The following FMN2 variants were observed in gnomAD, a reference collection of about 807,000 sequenced individuals.
FMN2 encodes the protein formin-2.
A neutral mutation model predicts 142.3 loss-of-function variants in FMN2; 51 were observed. That is an observed-to-expected ratio of 0.36 (90% confidence interval 0.29 to 0.45). The LOEUF is 0.45. Among genes scored for constraint, FMN2 ranks in the 20% least tolerant of loss-of-function variants. The pLI is 1.00. For missense variants in FMN2, 1,936 were observed against 2,122.8 expected (o/e 0.91, Z 1.73); for synonymous variants, 882 against 869.8 (o/e 1.01, Z -0.25).
At position 240,126,149 on chromosome 1, in the gene FMN2, T is replaced by C. The variant is rs1390326309; in HGVS notation, c.1782+2804T>C. ...AAAACTGGAGAGGGCGACGATATAA[T>C]GATACAGGGGGTTCTGAGGACTGGG... is the stretch of plus-strand genomic sequence containing the variant. On this transcript the variant is annotated intron_variant, in intron 2 of 17. Coordinates refer to ENST00000319653, the MANE Select transcript of FMN2 (RefSeq NM_020066.5). 2.6e-5 allele frequency among the ~76,000 whole-genome samples: 4 copies of C among 152,294 alleles called. No homozygotes were observed. The East Asian group carries it at 7.7e-4, about 29-fold the overall frequency.
intron 4 of FMN2, among the ~76,000 whole-genome samples, chr1:240,204,958 A>G (rs12065892): frequency 0.28 from 42,347 of 152,016 alleles, 6,015 homozygotes; most frequent in Middle Eastern, 0.43. Context: ...CTTTGTGGAG[A>G]TATTTCTTGG....
chr1:240,191,170 T>C (rs1665682625), intron 4 of FMN2, among the ~76,000 whole-genome samples: 1 of 152,246 alleles, frequency 6.6e-6, no homozygotes, highest in African/African-American at 2.4e-5. Flanking sequence ...AAGTTATTCT[T>C]CAGATGTGTG....
intron 15 of FMN2, among the ~76,000 whole-genome samples, chr1:240,406,747 A>C (rs1674215494): frequency 6.6e-6 from 1 of 152,160 alleles, no homozygotes; most frequent in Non-Finnish European, 1.5e-5. Flanking sequence ...TAGATAGGTA[A>C]TATAAGCTCA....
chr1:240,362,982 G>T (rs1672543330), intron 14 of FMN2, among the ~76,000 whole-genome samples: 1 of 152,170 alleles, frequency 6.6e-6, no homozygotes, highest in African/African-American at 2.4e-5. Flanking sequence ...AAATGAAAAT[G>T]CATAAATCTG....
intron 7 of FMN2, among the ~76,000 whole-genome samples, chr1:240,262,631 A>G (rs544122236): frequency 9.2e-5 from 14 of 152,314 alleles, no homozygotes; most frequent in African/African-American, 3.4e-4. Context: ...TTGCAATTCC[A>G]TAAGCTTCAG....
chr1:240,240,360 T>C (rs992089484), intron 6 of FMN2, among the ~76,000 whole-genome samples: 6 of 152,216 alleles, frequency 3.9e-5, no homozygotes, highest in African/African-American at 1.4e-4. Context: ...AAGAATAAAC[T>C]AAAGCCCTTT....
chr1:240,244,297 T>A (rs1033881005), intron 6 of FMN2, among the ~76,000 whole-genome samples: 1 of 152,176 alleles, frequency 6.6e-6, no homozygotes, highest in African/African-American at 2.4e-5. Context: ...TTGTAAAAAA[T>A]TGTGAGATTT....
At position 240,136,087 on chromosome 1, in the gene FMN2, A is replaced by T. The variant is rs189314017; in HGVS notation, c.1782+12742A>T. 9.3e-4 allele frequency among the ~76,000 whole-genome samples: 141 copies of T among 151,964 alleles called. 1 individual carries two copies. Among genetic ancestry groups the T allele is most frequent in the Non-Finnish European group, 1.7e-3 (115 of 68,000 alleles). On this transcript the variant is annotated intron_variant, in intron 2 of 17. Coordinates refer to ENST00000319653, the MANE Select transcript of FMN2 (RefSeq NM_020066.5). ...AATCAGTAACCAAGTTTTTATACAT[A>T]TGTGTTTAAGCATATGTATTTTTAA... is the stretch of plus-strand genomic sequence containing the variant.
intron 1 of FMN2, among the ~76,000 whole-genome samples, chr1:240,100,811 GA>G (rs1445856477): frequency 6.6e-6 from 1 of 152,168 alleles, no homozygotes; most frequent in Admixed American, 6.5e-5. Flanking sequence ...GCAATGGACT[GA>G]AAACAGTCCT....
At chr1:240,329,543 G>A (rs1456017420) in intron 10 of FMN2, 75 bp downstream of exon 10, 1 of 1,547,736 alleles carries the variant, frequency 6.5e-7, no homozygotes, top group East Asian at 2.3e-5. Flanking sequence ...TTTCAGAAAA[G>A]CATTCTTTTA....
chr1:240,355,753 C>A, intron 13 of FMN2, 63 bp from the exon 14 acceptor site: 1 of 1,157,334 alleles, frequency 8.6e-7, no homozygotes, highest in Non-Finnish European at 1.3e-6. Context: ...AAGATGTTTT[C>A]AAAATTGCCT....
intron 8 of FMN2, among the ~76,000 whole-genome samples, chr1:240,310,976 A>T (rs953019085): frequency 6.6e-6 from 1 of 152,200 alleles, no homozygotes; most frequent in Non-Finnish European, 1.5e-5. Context: ...AAACCTGGAC[A>T]TGAATACTAT....
chr1:240,410,910 C>T (rs953247), intron 15 of FMN2, among the ~76,000 whole-genome samples: 27,863 of 152,098 alleles, frequency 0.18, 3,136 homozygotes, highest in East Asian at 0.58. Flanking sequence ...CCTACCCTCT[C>T]TTATATTTTT....
chr1:240,218,007 G>T (rs1189991738), intron 6 of FMN2, among the ~76,000 whole-genome samples: 1 of 152,060 alleles, frequency 6.6e-6, no homozygotes, highest in South Asian at 2.1e-4. Context: ...ATTCTGGGCT[G>T]GGCGCAGTGG....
chr1:240,187,583 A>G (rs1665533072), intron 3 of FMN2, among the ~76,000 whole-genome samples: 1 of 152,176 alleles, frequency 6.6e-6, no homozygotes, highest in Admixed American at 6.5e-5. Flanking sequence ...TTTGCACACA[A>G]GCTTCACTTA....
intron 4 of FMN2, among the ~76,000 whole-genome samples, chr1:240,196,714 T>C (rs1330722143): frequency 6.6e-6 from 1 of 152,148 alleles, no homozygotes; most frequent in Non-Finnish European, 1.5e-5. Flanking sequence ...TATTTTGCTG[T>C]GTTGGCCAGG....
intron 13 of FMN2, among the ~76,000 whole-genome samples, chr1:240,355,337 A>G (rs1438677146): frequency 6.6e-6 from 1 of 152,190 alleles, no homozygotes; most frequent in Non-Finnish European, 1.5e-5. Context: ...ATTTTTCAGA[A>G]ATCTGGTCTT....
At chr1:240,145,243 C>A in intron 2 of FMN2, 1 of 1,482,860 alleles carries the variant, frequency 6.7e-7, no homozygotes. Flanking sequence ...CCTCAGACAG[C>A]TCCTGTTCTT....
rs1299941305 is a variant in FMN2 at position 240,170,757 on chromosome 1, C to T, written c.1783-7164C>T. ...AGGTGGGGCCTGGCTCTGTTTGGGC[C>T]GTCTTTGGCCTGGGAGGAGTTGGAT... On this transcript the variant is annotated intron_variant, in intron 2 of 17. Transcript: ENST00000319653. The T allele has an allele frequency of 2.2e-5, 29 of 1,348,468 alleles. No homozygotes were observed. The East Asian group carries it at 2.3e-4, about 11-fold the overall frequency. The allele number at this position is 1,348,468 out of a possible 1,614,324, so 83.5% of individuals were successfully genotyped here.
Sources: gnomAD v4.1 joint callset for allele counts (sites outside exome capture counted in the v4.1 genomes callset) on GRCh38, gnomAD v4.1.1 for gene constraint, MANE v1.5 for transcripts, NCBI Gene and HGNC (gene_info 2026-07-23, HGNC 2026-07-21) for gene names.